SYN2: variants seen among roughly 807,000 people sequenced by gnomAD.
SYN2 encodes the protein synapsin II, also known as synapsin-2.
Under a neutral mutation model 50.9 loss-of-function variants are expected in SYN2, and 19 were observed. The ratio of observed to expected loss-of-function variants is 0.37; its 90% CI spans 0.26 to 0.55. SYN2 has a LOEUF of 0.55. SYN2 is among the 20% of genes least tolerant of loss of function. The probability of loss-of-function intolerance (pLI) is 0.81; values close to 1 mark genes in which losing one functional copy is unlikely to be tolerated. For synonymous variants in SYN2, 255 were observed against 224.9 expected (o/e 1.13, Z -1.20); for missense variants, 587 against 576.4 (o/e 1.02, Z -0.19).
chr3:12,092,141 G>A (rs17624249), intron 1 of SYN2, among the ~76,000 whole-genome samples: 2,371 of 152,130 alleles, frequency 0.016, 28 homozygotes, highest in Middle Eastern at 0.031. Flanking sequence ...ATTTAAGGCC[G>A]ATTATCAGAG....
At chr3:12,159,084 T>C in intron 5 of SYN2, 1 of 502,754 alleles carries the variant, frequency 2.0e-6, no homozygotes. Context: ...GGCCCTGACC[T>C]CTGTTTCCCT....
At chr3:12,087,928 C>A (rs541897298) in intron 1 of SYN2, among the ~76,000 whole-genome samples, 155 of 151,238 alleles carry the variant, frequency 1.0e-3, no homozygotes, top group Middle Eastern at 6.8e-3. Context: ...AAAAAAAAAA[C>A]CCCTCAAAAT....
intron 10 of SYN2, among the ~76,000 whole-genome samples, chr3:12,176,447 G>A (rs1304391261): frequency 6.6e-6 from 1 of 152,228 alleles, no homozygotes; most frequent in East Asian, 1.9e-4. Flanking sequence ...TCTCTCTTCA[G>A]TGCCCCTCAT....
chr3:12,060,392 C>T (rs1044580802), intron 1 of SYN2, among the ~76,000 whole-genome samples: 1 of 152,134 alleles, frequency 6.6e-6, no homozygotes, highest in Non-Finnish European at 1.5e-5. Flanking sequence ...AGAGTCTTAT[C>T]CCACCTGGGA....
At chr3:12,065,121 CAAAT>C (rs1695187428) in intron 1 of SYN2, among the ~76,000 whole-genome samples, 1 of 152,074 alleles carries the variant, frequency 6.6e-6, no homozygotes, top group Admixed American at 6.6e-5. Context: ...TAACAATCAT[CAAAT>C]AAATGCAAAT....
chr3:12,152,067 CA>C (rs917491770), intron 5 of SYN2, among the ~76,000 whole-genome samples: 3 of 152,256 alleles, frequency 2.0e-5, no homozygotes, highest in African/African-American at 7.2e-5. Flanking sequence ...CTTAACCCAC[CA>C]ATGGAGACTC....
chr3:12,181,786 AG>A (rs1315165339), intron 10 of SYN2, among the ~76,000 whole-genome samples: 3 of 152,186 alleles, frequency 2.0e-5, no homozygotes, highest in Non-Finnish European at 4.4e-5. Flanking sequence ...AAGTTAGTCC[AG>A]GGAAGATGGT....
At position 12,057,151 on chromosome 3, in the gene SYN2, G is replaced by T. The variant is rs141778148; in HGVS notation, c.377+52223G>T. Among the ~76,000 whole-genome samples the T allele has an allele frequency of 2.1e-3, 320 of 152,142 alleles. 1 individual carries two copies. Among genetic ancestry groups the T allele is most frequent in the Middle Eastern group, 6.8e-3 (2 of 294 alleles). On this transcript the variant is annotated intron_variant, in intron 1 of 12. Coordinates refer to ENST00000621198, the MANE Select transcript of SYN2 (RefSeq NM_133625.6). Reference sequence around the variant, plus strand: ...TACTAAAAATACAAAAATTAGCTGGGCGTGGTGGCATGCGCCTGTAATCCC... The same window carrying T: ...TACTAAAAATACAAAAATTAGCTGGTCGTGGTGGCATGCGCCTGTAATCCC...
intron 1 of SYN2, among the ~76,000 whole-genome samples, chr3:12,126,846 A>G (rs1485661992): frequency 6.6e-6 from 1 of 152,210 alleles, no homozygotes; most frequent in African/African-American, 2.4e-5. Context: ...TTGCAGTTAT[A>G]ATTTTGGTGC....
chr3:12,111,078 A>T (rs1354386805), intron 1 of SYN2, among the ~76,000 whole-genome samples: 1 of 152,108 alleles, frequency 6.6e-6, no homozygotes. Flanking sequence ...CTGTGTCCCC[A>T]CCCCAATCTC....
At chr3:12,144,023 G>T (rs1389165143) in intron 3 of SYN2, among the ~76,000 whole-genome samples, 2 of 152,180 alleles carry the variant, frequency 1.3e-5, no homozygotes, top group East Asian at 1.9e-4. Flanking sequence ...TGGCTGCCTG[G>T]GCAGAGAACC....
rs1479401119 is a variant in SYN2 at position 12,004,921 on chromosome 3, G to T, written c.370G>T (p.Ala124Ser). ...KVLLVVDEPH[A>S]DWAKCFRGKK... ...GCTGCTGGTGGTCGACGAGCCGCACGCCGACTGGTAGGTGCCGGGCGCCGC... is the reference window on the plus strand; with the variant it reads ...GCTGCTGGTGGTCGACGAGCCGCACTCCGACTGGTAGGTGCCGGGCGCCGC... Residue 124 changes from alanine (A) to serine (S), a missense_variant, in exon 1 of 13, where the codon GCC becomes TCC. By Grantham distance (99) the Ala-to-Ser change is moderately conservative (BLOSUM62 1). Transcript: ENST00000621198. The T allele has an allele frequency of 1.8e-6, 1 of 567,564 alleles. No homozygotes were observed. Among genetic ancestry groups the T allele is most frequent in the Non-Finnish European group, 3.1e-6 (1 of 318,586 alleles). 35.2% of individuals were successfully genotyped at this position (567,564 alleles called of 1,614,324 possible).
At chr3:12,109,053 T>C (rs1416900327) in intron 1 of SYN2, among the ~76,000 whole-genome samples, 1 of 152,218 alleles carries the variant, frequency 6.6e-6, no homozygotes, top group Non-Finnish European at 1.5e-5. Flanking sequence ...TCATTCTTGC[T>C]TTCTCTTACC....
At chr3:12,034,975 G>C (rs373827) in intron 1 of SYN2, among the ~76,000 whole-genome samples, 1 of 152,130 alleles carries the variant, frequency 6.6e-6, no homozygotes, top group Admixed American at 6.5e-5. Context: ...TCAAGGCACA[G>C]TTCATCCCGA....
intron 1 of SYN2, among the ~76,000 whole-genome samples, chr3:12,038,188 C>G (rs1559394819): frequency 6.6e-6 from 1 of 152,220 alleles, no homozygotes; most frequent in African/African-American, 2.4e-5. Context: ...TGTCTTGACA[C>G]CCTTGTCAAA....
chr3:12,038,362 A>G, intron 1 of SYN2, among the ~76,000 whole-genome samples: 1 of 152,088 alleles, frequency 6.6e-6, no homozygotes, highest in East Asian at 1.9e-4. Flanking sequence ...TGAGTCATCT[A>G]ACTTTGTTGT....
intron 11 of SYN2, 78 bp from the exon 12 acceptor site, chr3:12,187,291 A>G (rs1574897557): frequency 2.8e-6 from 4 of 1,453,434 alleles, no homozygotes; most frequent in Non-Finnish European, 3.6e-6. Flanking sequence ...AACTAACCAC[A>G]CCCTTTGAGG....
intron 1 of SYN2, among the ~76,000 whole-genome samples, chr3:12,111,183 T>C (rs1696305593): frequency 6.6e-6 from 1 of 152,148 alleles, no homozygotes; most frequent in African/African-American, 2.4e-5. Flanking sequence ...TGAATAAGTC[T>C]CATGAGATCT....
At chr3:12,105,964 C>T (rs1395456316) in intron 1 of SYN2, among the ~76,000 whole-genome samples, 1 of 152,066 alleles carries the variant, frequency 6.6e-6, no homozygotes, top group Admixed American at 6.5e-5. Flanking sequence ...CTCACAGTTC[C>T]ATAGGTCAGT....
Sources: gnomAD v4.1 joint callset for allele counts (sites outside exome capture counted in the v4.1 genomes callset) on GRCh38, gnomAD v4.1.1 for gene constraint, MANE v1.5 for transcripts, NCBI Gene and HGNC (gene_info 2026-07-23, HGNC 2026-07-21) for gene names.